Variants in CATSPERB observed in about 807,000 individuals in gnomAD.
CATSPERB encodes the protein cation channel sperm-associated auxiliary subunit beta.
A neutral mutation model predicts 128.3 loss-of-function variants in CATSPERB; 93 were observed. That is an observed-to-expected ratio of 0.72 (90% CI 0.61 to 0.86). The LOEUF (loss-of-function observed/expected upper bound fraction) is 0.86. CATSPERB is among the 40% of genes least tolerant of loss of function. The probability of loss-of-function intolerance (pLI) is 0.00; values close to 1 mark genes in which losing one functional copy is unlikely to be tolerated. For missense variants in CATSPERB, 1,153 were observed against 1,329.5 expected (o/e 0.87, Z 2.06); for synonymous variants, 381 against 448.8 (o/e 0.85, Z 1.91).
intron 16 of CATSPERB, 47 bp downstream of exon 16, chr14:91,639,049 T>C (rs1407048951): frequency 1.3e-6 from 2 of 1,494,204 alleles, no homozygotes; most frequent in Middle Eastern, 1.7e-4. Flanking sequence ...GAATGTGGCA[T>C]CTATTCTTAA....
intron 13 of CATSPERB, among the ~76,000 whole-genome samples, chr14:91,671,902 C>T (rs1566726305): frequency 1.3e-5 from 2 of 151,824 alleles, no homozygotes; most frequent in African/African-American, 4.8e-5. Flanking sequence ...GCCTGTAGTC[C>T]CAGCTACTCG....
chr14:91,624,765 G>A (rs919526659), intron 18 of CATSPERB, 55 bp downstream of exon 18: 2 of 1,326,278 alleles, frequency 1.5e-6, no homozygotes, highest in African/African-American at 1.5e-5. Context: ...CTTCACAAAA[G>A]ATAATTTTTC....
intron 14 of CATSPERB, 38 bp from the exon 15 acceptor site, chr14:91,660,019 G>A (rs200549886): frequency 6.5e-7 from 1 of 1,529,712 alleles, no homozygotes; most frequent in Admixed American, 2.3e-5. Context: ...CTAAAGGGCT[G>A]CCATGCAACA....
In CATSPERB at chr14:91,580,806, T is replaced by C. The variant is rs998375120; in HGVS notation, c.*83A>G. The C allele has an allele frequency of 1.4e-5, 14 of 1,012,924 alleles. No homozygotes were observed. The highest frequency in any genetic ancestry group is 1.9e-5 in the Non-Finnish European group (13 of 674,110). The allele number at this position is 1,012,924 out of a possible 1,614,324, so 62.7% of individuals were successfully genotyped here. On this transcript the variant is annotated 3_prime_UTR_variant, in exon 27 of 27. Transcript: ENST00000256343. ...CAATTCTTTAGGATTTTATGTAGCTTGCATATTTAACATTTAAATATATTG... is the reference window on the plus strand; with the variant it reads ...CAATTCTTTAGGATTTTATGTAGCTCGCATATTTAACATTTAAATATATTG...
intron 4 of CATSPERB, 68 bp downstream of exon 4, chr14:91,722,981 T>C (rs1425489098): frequency 4.9e-6 from 6 of 1,228,530 alleles, no homozygotes; most frequent in Non-Finnish European, 6.4e-6. Context: ...TTTTAAAAAA[T>C]ACATCCTATA....
At chr14:91,728,370 C>T (rs540694012) in intron 2 of CATSPERB, among the ~76,000 whole-genome samples, 20 of 152,182 alleles carry the variant, frequency 1.3e-4, no homozygotes, top group Admixed American at 2.6e-4. Flanking sequence ...CTGTCTCAGC[C>T]TCCCAAAGTG....
At chr14:91,631,799 A>T (rs997674227) in intron 17 of CATSPERB, among the ~76,000 whole-genome samples, 1 of 152,200 alleles carries the variant, frequency 6.6e-6, no homozygotes, top group Admixed American at 6.5e-5. Context: ...ATTCTTGAGA[A>T]ATATAAAGGG....
At chr14:91,638,525 A>T (rs918162865) in intron 16 of CATSPERB, among the ~76,000 whole-genome samples, 2 of 151,940 alleles carry the variant, frequency 1.3e-5, no homozygotes, top group African/African-American at 4.8e-5. Flanking sequence ...GGTTCAAGTG[A>T]TCCTCCTGCC....
rs189704096 is a variant in CATSPERB at position 91,608,244 on chromosome 14, A to C, written c.2709+50T>G. ...GCTATATATATAATTTTACTGAATG[A>C]TTTCCTGAATTCAAATAAGTGCTAG... On this transcript the variant is annotated intron_variant, in intron 22 of 26. Coordinates refer to ENST00000256343, the MANE Select transcript of CATSPERB (RefSeq NM_024764.4). 2.6e-6 allele frequency: 3 copies of C among 1,141,216 alleles called. No homozygotes were observed. The African/African-American group carries it at 4.6e-5, about 18-fold the overall frequency. The allele number at this position is 1,141,216 out of a possible 1,614,324, so 70.7% of individuals were successfully genotyped here. A position where few individuals can be genotyped will look rare whatever the true frequency, so the allele number is the denominator to read the frequency against.
chr14:91,625,655 C>T (rs959252710), intron 17 of CATSPERB, among the ~76,000 whole-genome samples: 4 of 152,104 alleles, frequency 2.6e-5, no homozygotes, highest in Admixed American at 6.6e-5. Context: ...GGCAGTTCAT[C>T]AAAGTGTTAA....
chr14:91,686,272 T>A (rs933247254), intron 10 of CATSPERB, among the ~76,000 whole-genome samples: 37 of 152,342 alleles, frequency 2.4e-4, no homozygotes, highest in Admixed American at 9.2e-4. Flanking sequence ...TTAAGCTACA[T>A]GAAAGTAGGG....
chr14:91,592,071 T>G, intron 22 of CATSPERB, 69 bp from the exon 23 acceptor site: 1 of 923,302 alleles, frequency 1.1e-6, no homozygotes, highest in Non-Finnish European at 1.8e-6. Context: ...CTGATAAATA[T>G]CTAATAAATA....
chr14:91,594,852 T>C (rs1893476026), intron 22 of CATSPERB, among the ~76,000 whole-genome samples: 1 of 152,198 alleles, frequency 6.6e-6, no homozygotes, highest in Admixed American at 6.5e-5. Context: ...TGTATGTAAA[T>C]AGGTTGTAGT....
At chr14:91,630,524 C>T (rs981068600) in intron 17 of CATSPERB, among the ~76,000 whole-genome samples, 2 of 152,198 alleles carry the variant, frequency 1.3e-5, no homozygotes, top group Admixed American at 6.5e-5. Flanking sequence ...CTGCACTTTT[C>T]GTCTCGGAAA....
At chr14:91,685,870 G>A (rs1006634871) in intron 10 of CATSPERB, among the ~76,000 whole-genome samples, 2 of 152,238 alleles carry the variant, frequency 1.3e-5, no homozygotes, top group Non-Finnish European at 2.9e-5. Flanking sequence ...CACTCAGGCT[G>A]AAGCAGTAAG....
At chr14:91,709,667 G>A (rs2139768391) in intron 5 of CATSPERB, 1 of 137,752 alleles carries the variant, frequency 7.3e-6, no homozygotes. Flanking sequence ...TCCAGCCTGG[G>A]CAGCAGAGCG....
At chr14:91,680,430 A>C (rs1344862204) in intron 11 of CATSPERB, among the ~76,000 whole-genome samples, 2 of 152,260 alleles carry the variant, frequency 1.3e-5, no homozygotes, top group African/African-American at 4.8e-5. Context: ...GTTTTGTATA[A>C]CTAATTGCTA....
At chr14:91,655,923 A>AAAG (rs1352371328) in intron 15 of CATSPERB, among the ~76,000 whole-genome samples, 1 of 152,208 alleles carries the variant, frequency 6.6e-6, no homozygotes. Context: ...GGTCAAGGAT[A>AAAG]AAGAAAGGAT....
At chr14:91,581,707 A>G (rs751122770) in intron 26 of CATSPERB, among the ~76,000 whole-genome samples, 18 of 152,248 alleles carry the variant, frequency 1.2e-4, no homozygotes, top group Non-Finnish European at 2.4e-4. Flanking sequence ...GATTATTGAC[A>G]GAGAGGGACA....
Sources: gnomAD v4.1 joint callset for allele counts (sites outside exome capture counted in the v4.1 genomes callset) on GRCh38, gnomAD v4.1.1 for gene constraint, MANE v1.5 for transcripts, NCBI Gene and HGNC (gene_info 2026-07-23, HGNC 2026-07-21) for gene names.